The following CLVS2 variants were observed in gnomAD, a reference collection of about 807,000 sequenced individuals.
CLVS2 encodes the protein clavesin 2.
CLVS2 carries 19 observed loss-of-function variants against 29.0 expected under a neutral mutation model. The ratio of observed to expected loss-of-function variants is 0.66; its 90% CI spans 0.46 to 0.96. The LOEUF (loss-of-function observed/expected upper bound fraction) is 0.96, where lower values mean the gene tolerates loss of function less well. Ranked by LOEUF, CLVS2 falls within the 40% of genes least tolerant of loss-of-function variation. The probability of loss-of-function intolerance (pLI) is 0.00; values close to 1 mark genes in which losing one functional copy is unlikely to be tolerated. For synonymous variants in CLVS2, 161 were observed against 151.3 expected, an observed-to-expected ratio of 1.06 and a Z score of -0.47; for missense variants, 294 against 404.1, an observed-to-expected ratio of 0.73 and a Z score of 2.34.
intron 3 of CLVS2, among the ~76,000 whole-genome samples, chr6:123,019,329 G>T (rs1774889576): frequency 6.6e-6 from 1 of 152,046 alleles, no homozygotes; most frequent in African/African-American, 2.4e-5. Context: ...ACTGTAAGGG[G>T]TGTTTTGCTT....
At chr6:123,039,858 A>T (rs551856874) in intron 3 of CLVS2, among the ~76,000 whole-genome samples, 13 of 152,268 alleles carry the variant, frequency 8.5e-5, no homozygotes, top group African/African-American at 3.1e-4. Context: ...TAGCTATGTA[A>T]AACTCCCTCT....
At chr6:123,054,823 GT>G (rs370474216) in intron 4 of CLVS2, among the ~76,000 whole-genome samples, 1,474 of 145,570 alleles carry the variant, frequency 0.01, 26 homozygotes, top group East Asian at 0.034. Flanking sequence ...TATGCCTCAA[GT>G]TTTTTTTTTT....
intron 3 of CLVS2, among the ~76,000 whole-genome samples, chr6:123,017,142 G>T (rs995076101): frequency 4.0e-5 from 6 of 151,542 alleles, no homozygotes; most frequent in African/African-American, 1.5e-4. Flanking sequence ...GGAGAGTGTA[G>T]AAAAGAACTT....
At chr6:123,061,160 G>A (rs1772772117) in intron 5 of CLVS2, among the ~76,000 whole-genome samples, 1 of 152,118 alleles carries the variant, frequency 6.6e-6, no homozygotes, top group African/African-American at 2.4e-5. Flanking sequence ...AATTAGCCAG[G>A]CATGGTGGTG....
At chr6:123,014,124 G>A (rs1017599866) in intron 3 of CLVS2, among the ~76,000 whole-genome samples, 6 of 152,062 alleles carry the variant, frequency 3.9e-5, no homozygotes, top group Non-Finnish European at 5.9e-5. Flanking sequence ...ATAAACATAC[G>A]TGTGCATGTG....
intron 4 of CLVS2, among the ~76,000 whole-genome samples, chr6:123,054,275 G>A (rs1772658957): frequency 6.6e-6 from 1 of 152,102 alleles, no homozygotes; most frequent in Admixed American, 6.6e-5. Flanking sequence ...AAGAACACAG[G>A]GGTGCACATG....
At chr6:123,042,340 T>A (rs1004013058) in intron 3 of CLVS2, among the ~76,000 whole-genome samples, 1 of 152,216 alleles carries the variant, frequency 6.6e-6, no homozygotes, top group East Asian at 1.9e-4. Context: ...TTATTTATTA[T>A]TGCTTTCCTA....
chr6:123,000,659 C>T (rs1239251902), intron 2 of CLVS2, among the ~76,000 whole-genome samples: 1 of 152,144 alleles, frequency 6.6e-6, no homozygotes, highest in African/African-American at 2.4e-5. Context: ...TTCTCTTATC[C>T]CTCATCCCTC....
intron 4 of CLVS2, among the ~76,000 whole-genome samples, chr6:123,053,439 C>A (rs942799636): frequency 3.3e-5 from 5 of 152,064 alleles, no homozygotes; most frequent in Non-Finnish European, 7.4e-5. Flanking sequence ...ATCAGAAATG[C>A]ATGAAGAAAA....
intron 3 of CLVS2, among the ~76,000 whole-genome samples, chr6:123,025,975 G>C (rs1193047083): frequency 2.0e-5 from 3 of 151,972 alleles, no homozygotes; most frequent in Middle Eastern, 3.4e-3. Context: ...CACTATTTAT[G>C]ATATTTATTA....
At chr6:123,043,538 AT>A (rs1775264613) in intron 3 of CLVS2, among the ~76,000 whole-genome samples, 1 of 152,198 alleles carries the variant, frequency 6.6e-6, no homozygotes, top group Non-Finnish European at 1.5e-5. Flanking sequence ...AAATAAAAAT[AT>A]TTTAAAGGCT....
chr6:123,019,286 C>T (rs1481396370), intron 3 of CLVS2, among the ~76,000 whole-genome samples: 2 of 151,980 alleles, frequency 1.3e-5, no homozygotes, highest in Admixed American at 1.3e-4. Flanking sequence ...AATGATGACC[C>T]TCTAAAATAA....
rs773758742 is a variant in CLVS2, at chr6:123,055,979, G to C, written c.849G>C (p.Met283Ile). Residue 283 changes from methionine to isoleucine, a missense_variant, in exon 5 of 6, where the codon ATG becomes ATC. By Grantham distance (10) the Met-to-Ile change is conservative. Coordinates refer to ENST00000275162, the MANE Select transcript of CLVS2 (RefSeq NM_001010852.4). ...AGTACAATGTAGACTCCTACAGCAT[G>C]CCTGTGAAGGAAGTAGAGAAGGAAC... is the stretch of plus-strand genomic sequence containing the variant. ...DSEYNVDSYS[M>I]PVKEVEKELS... 31 of 1,613,920 alleles carry C rather than the reference G, an allele frequency of 1.9e-5. No homozygotes were observed. Among genetic ancestry groups the C allele is most frequent in the Admixed American group, 8.3e-5 (5 of 59,998 alleles).
chr6:123,026,381 G>A (rs1180103622), intron 3 of CLVS2, among the ~76,000 whole-genome samples: 3 of 152,104 alleles, frequency 2.0e-5, no homozygotes, highest in African/African-American at 4.8e-5. Flanking sequence ...ATGGTAAAAA[G>A]TAAAGCAAAT....
rs532434082 is a variant in CLVS2 at position 123,040,267 on chromosome 6, T to C, written c.565-8355T>C. Among the ~76,000 whole-genome samples, 7 of 152,306 alleles carry C rather than the reference T, an allele frequency of 4.6e-5. No homozygotes were observed. The East Asian group carries it at 1.4e-3, about 29-fold the overall frequency. On this transcript the variant is annotated intron_variant, in intron 3 of 5. Coordinates refer to ENST00000275162, the MANE Select transcript of CLVS2 (RefSeq NM_001010852.4). Reference sequence around the variant, plus strand: ...TCATAATATACTCCTGTAGGTTTTTTCCCCATAATAATTCCTCTGCTCTAT... The same window carrying C: ...TCATAATATACTCCTGTAGGTTTTTCCCCCATAATAATTCCTCTGCTCTAT...
In CLVS2 at chr6:123,005,706, C is replaced by T. The variant is rs541377319; in HGVS notation, c.390-5279C>T. 1.1e-3 allele frequency among the ~76,000 whole-genome samples: 175 copies of T among 152,250 alleles called. 2 individuals carry two copies. The highest frequency in any genetic ancestry group is 2.4e-3 in the Non-Finnish European group (160 of 68,030). ...TGGCCAGAGGCAGGAGAAGAAGCTT[C>T]TCTGATCTAAAAAATTGAGGGGGCT... is the stretch of plus-strand genomic sequence containing the variant. On this transcript the variant is annotated intron_variant, in intron 2 of 5. Transcript: ENST00000275162.
chr6:123,010,321 T>C (rs1316586309), intron 2 of CLVS2, among the ~76,000 whole-genome samples: 1 of 152,032 alleles, frequency 6.6e-6, no homozygotes, highest in African/African-American at 2.4e-5. Flanking sequence ...ACTGGAACGT[T>C]TCAGGAACTA....
chr6:123,000,911 C>A (rs77698473), intron 2 of CLVS2, among the ~76,000 whole-genome samples: 7,314 of 152,162 alleles, frequency 0.048, 245 homozygotes, highest in Non-Finnish European at 0.076. Flanking sequence ...GAAGAAAATG[C>A]CTCAGTTTAT....
At chr6:123,004,884 G>C (rs1303942803) in intron 2 of CLVS2, among the ~76,000 whole-genome samples, 1 of 151,830 alleles carries the variant, frequency 6.6e-6, no homozygotes, top group South Asian at 2.1e-4. Context: ...TTGCACTCCA[G>C]CCTGGGCGAC....
Sources: allele counts gnomAD v4.1 joint callset (sites outside exome capture counted in the v4.1 genomes callset), GRCh38; gene constraint gnomAD v4.1.1; transcripts MANE v1.5; gene names NCBI Gene and HGNC (gene_info 2026-07-23, HGNC 2026-07-21).